Variants in SRGAP2B observed in about 807,000 individuals in gnomAD.
SRGAP2B encodes SLIT-ROBO Rho GTPase-activating protein 2B.
In SRGAP2B, 9 loss-of-function variants were observed where a neutral mutation model predicts 22.2. The observed-to-expected ratio is 0.41, with a 90% CI of 0.24 to 0.71. The LOEUF is 0.71. Among genes scored for constraint, SRGAP2B ranks in the 30% least tolerant of loss-of-function variants. The pLI, the probability that SRGAP2B is intolerant of heterozygous loss-of-function variation, is 0.35. For synonymous variants in SRGAP2B, 36 were observed against 87.4 expected (o/e 0.41, Z 3.28); for missense variants, 114 against 235.8 (o/e 0.48, Z 3.38).
chr1:144,967,435 G>C (rs1668169046), intron 3 of SRGAP2B, among the ~76,000 whole-genome samples: 1 of 110,554 alleles, frequency 9.0e-6, no homozygotes, highest in African/African-American at 3.8e-5. Flanking sequence ...GATGTTCTTT[G>C]AAACCAACGA....
At chr1:144,921,043 C>T (rs1664212912) in intron 4 of SRGAP2B, among the ~76,000 whole-genome samples, 1 of 148,764 alleles carries the variant, frequency 6.7e-6, no homozygotes, top group South Asian at 2.1e-4. Flanking sequence ...GGTCTGAATG[C>T]AAAACAGAAA....
chr1:144,901,109 CT>C (rs1286505027), intron 7 of SRGAP2B, among the ~76,000 whole-genome samples: 11 of 146,278 alleles, frequency 7.5e-5, no homozygotes, highest in African/African-American at 2.6e-4. Context: ...CTCAGAACGT[CT>C]TTTTGGCCTG....
At chr1:144,947,496 AC>A (rs772815587) in intron 4 of SRGAP2B, among the ~76,000 whole-genome samples, 21 of 150,184 alleles carry the variant, frequency 1.4e-4, no homozygotes, top group Non-Finnish European at 2.9e-4. Flanking sequence ...TGACTGATTC[AC>A]TAATGGCAAA....
rs368993694 is a variant in SRGAP2B, at chr1:144,955,194, T to C, written c.423+245A>G. On this transcript the variant is annotated intron_variant, in intron 4 of 9. Transcript: ENST00000612199. ...TTCTCCACAAGTATGTGGTAGGGAA[T>C]GACTAGTGGAAAGCCTATGAAGTGG... 1.1e-4 allele frequency among the ~76,000 whole-genome samples: 16 copies of C among 150,536 alleles called. 1 individual carries two copies. In the East Asian group the frequency reaches 2.1e-3, roughly 20 times the overall value.
chr1:145,021,885 T>G (rs1440614701), intron 2 of SRGAP2B, among the ~76,000 whole-genome samples: 1 of 138,298 alleles, frequency 7.2e-6, no homozygotes, highest in Non-Finnish European at 1.5e-5. Context: ...AGCTTGGATA[T>G]CCAATCCTGG....
intron 3 of SRGAP2B, among the ~76,000 whole-genome samples, chr1:144,970,287 C>T (rs1553613031): frequency 1.0e-5 from 1 of 95,546 alleles, no homozygotes; most frequent in East Asian, 2.8e-4. Flanking sequence ...GAAAATGTGG[C>T]ACATATACAC....
chr1:145,009,235 A>T (rs1402298614), intron 2 of SRGAP2B, among the ~76,000 whole-genome samples: 1 of 148,812 alleles, frequency 6.7e-6, no homozygotes, highest in South Asian at 2.1e-4. Flanking sequence ...AAGATAAATT[A>T]TATCTGCTAT....
At chr1:144,932,364 T>G (rs141606320) in intron 4 of SRGAP2B, among the ~76,000 whole-genome samples, 1 of 150,986 alleles carries the variant, frequency 6.6e-6, no homozygotes. Flanking sequence ...TTCTCTCCAC[T>G]GCCCTTGACA....
intron 3 of SRGAP2B, among the ~76,000 whole-genome samples, chr1:144,966,318 G>C (rs1377746178): frequency 3.3e-5 from 5 of 149,850 alleles, no homozygotes; most frequent in Admixed American, 3.3e-4. Context: ...CAAGCCAGAA[G>C]AGAGTGGGGG....
intron 3 of SRGAP2B, among the ~76,000 whole-genome samples, chr1:144,970,509 A>C (rs1338984954): frequency 2.4e-5 from 2 of 84,254 alleles, no homozygotes; most frequent in Admixed American, 1.3e-4. Context: ...GGGTGGGGGG[A>C]GGGGGGAGGG....
In SRGAP2B at chr1:144,965,111, T is replaced by A. The variant is rs1160319515; in HGVS notation, c.261-9510A>T. 5.4e-6 allele frequency: 7 copies of A among 1,284,454 alleles called. No individual in the cohort carries two copies. In the African/African-American group the frequency reaches 1.1e-4, roughly 20 times the overall value. 79.6% of individuals were successfully genotyped at this position (1,284,454 alleles called of 1,614,324 possible). ...ATAGTTTAGAAGGATGCTTGGATTG[T>A]CTGCTTCAAGCCCTGGCTCAAAATA... On this transcript the variant is annotated intron_variant, in intron 3 of 9. Transcript: ENST00000612199.
rs1423146123 is a variant in SRGAP2B, at chr1:144,931,775, T to G, written c.424-17021A>C. Among the ~76,000 whole-genome samples the G allele has an allele frequency of 6.1e-4, 87 of 142,204 alleles. 3 individuals are homozygous for G. Among genetic ancestry groups the G allele is most frequent in the African/African-American group, 2.1e-3 (74 of 35,780 alleles). The allele number at this position is 142,204 out of a possible 152,430, so 93.3% of individuals were successfully genotyped here. A position where few individuals can be genotyped will look rare whatever the true frequency, so the allele number is the denominator to read the frequency against. On this transcript the variant is annotated intron_variant, in intron 4 of 9. Transcript: ENST00000612199. ...GGGTTACCCAGCTAGAAAGCATTAC[T>G]GCTTTCCCACTGACCAGGGCAGTCC...
intron 4 of SRGAP2B, among the ~76,000 whole-genome samples, chr1:144,924,967 A>T (rs1664552844): frequency 1.3e-5 from 2 of 148,610 alleles, no homozygotes; most frequent in South Asian, 4.2e-4. Context: ...TTAAGTATAT[A>T]TTTCTTCCTG....
At chr1:145,064,292 T>C (rs1651251622) in intron 2 of SRGAP2B, among the ~76,000 whole-genome samples, 1 of 147,384 alleles carries the variant, frequency 6.8e-6, no homozygotes, top group Non-Finnish European at 1.5e-5. Flanking sequence ...CACTGTTTAC[T>C]AAGCTCCCCA....
intron 4 of SRGAP2B, among the ~76,000 whole-genome samples, chr1:144,917,589 A>C (rs1250777434): frequency 6.8e-6 from 1 of 146,188 alleles, no homozygotes; most frequent in African/African-American, 2.8e-5. Context: ...AAAAACAGCA[A>C]TTAAGCCCAG....
rs1436182575 is a variant in SRGAP2B, at chr1:144,957,830, G to A, written c.261-2229C>T. Reference sequence around the variant, plus strand: ...ACATTTTAATCAAGTGGTGTCTCTCGGCAAGATACCCATGTCCTCAGTAAG... The same window carrying A: ...ACATTTTAATCAAGTGGTGTCTCTCAGCAAGATACCCATGTCCTCAGTAAG... On this transcript the variant is annotated intron_variant, in intron 3 of 9. Transcript: ENST00000612199. Among the ~76,000 whole-genome samples, 14 of 146,788 alleles carry A rather than the reference G, an allele frequency of 9.5e-5. 2 individuals are homozygous for A. The highest frequency in any genetic ancestry group is 4.2e-4 in the South Asian group (2 of 4,706).
intron 2 of SRGAP2B, among the ~76,000 whole-genome samples, chr1:145,039,451 G>T (rs1183599590): frequency 7.0e-6 from 1 of 142,008 alleles, no homozygotes; most frequent in Non-Finnish European, 1.5e-5. Flanking sequence ...CTCCAGCCTG[G>T]GTGACAGGAT....
At chr1:144,957,060 G>A (rs587695762) in intron 3 of SRGAP2B, among the ~76,000 whole-genome samples, 12 of 150,598 alleles carry the variant, frequency 8.0e-5, no homozygotes, top group African/African-American at 2.7e-4. Context: ...TAGCTAAAAA[G>A]TGGCAATTCC....
chr1:144,955,490 G>T lies in SRGAP2B; in HGVS notation c.372C>A (p.Ile124=), dbSNP rs781961971. Reference sequence around the variant, plus strand: ...CGCTGACTTGTACAAATCGAGGAATGATATTATTCAGGTAGATGTCACTCA... The same window carrying T: ...CGCTGACTTGTACAAATCGAGGAATTATATTATTCAGGTAGATGTCACTCA... Residue 124 remains isoleucine (I), a synonymous_variant, in exon 4 of 10, where the codon ATC becomes ATA. Coordinates refer to ENST00000612199, the Ensembl canonical transcript of SRGAP2B. 8.3e-4 allele frequency: 1,052 copies of T among 1,270,430 alleles called. 5 individuals are homozygous for T. The highest frequency in any genetic ancestry group is 1.1e-3 in the Non-Finnish European group (1,011 of 904,864). The allele number at this position is 1,270,430 out of a possible 1,614,324, so 78.7% of individuals were successfully genotyped here.
Sources: allele counts gnomAD v4.1 joint callset (sites outside exome capture counted in the v4.1 genomes callset), GRCh38; gene constraint gnomAD v4.1.1; transcripts MANE v1.5; gene names NCBI Gene and HGNC (gene_info 2026-07-23, HGNC 2026-07-21).